Variants in CEP170 observed in about 807,000 individuals in gnomAD.
The protein encoded by CEP170 is centrosomal protein of 170 kDa.
In CEP170, 21 loss-of-function variants were observed where a neutral mutation model predicts 151.9. The observed-to-expected ratio is 0.14, with a 90% confidence interval of 0.10 to 0.20. The LOEUF is 0.20. Among genes scored for constraint, CEP170 ranks in the 10% least tolerant of loss-of-function variants. The pLI, the probability that CEP170 is intolerant of heterozygous loss-of-function variation, is 1.00. For missense variants in CEP170, 964 were observed against 1,892.9 expected, an observed-to-expected ratio of 0.51 and a Z score of 9.11; for synonymous variants, 356 against 648.8, an observed-to-expected ratio of 0.55 and a Z score of 6.86.
Position 243,156,314 on chromosome 1 carries a change from G to A in CEP170, c.3818C>T (p.Ser1273Leu), listed in dbSNP as rs550197383. Reference protein sequence around the residue: ...LKTTRLQSAGSAMPTSSSFKH... With the variant: ...LKTTRLQSAGLAMPTSSSFKH... ...GAATGAAGAACTAGTAGGCATTGCT[G>A]ATCCAGCGCTCTGCAAGCGAGTGGT... is the stretch of plus-strand genomic sequence containing the variant. The change falls in exon 14 of 20, where the codon TCA becomes TTA. Residue 1273 changes from serine to leucine, a missense_variant. Physicochemically the swap from Ser to Leu is moderately radical, Grantham distance 145 (BLOSUM62 -2). Coordinates refer to ENST00000366542, the MANE Select transcript of CEP170 (RefSeq NM_014812.3). 6 of 1,591,892 alleles carry A rather than the reference G, an allele frequency of 3.8e-6. No homozygotes were observed. In the African/African-American group the frequency reaches 6.7e-5, roughly 18 times the overall value.
At chr1:243,129,040 C>T (rs1447417722) in intron 18 of CEP170, among the ~76,000 whole-genome samples, 12 of 151,900 alleles carry the variant, frequency 7.9e-5, no homozygotes, top group South Asian at 2.1e-4. Context: ...ATTAAGTAAA[C>T]GGAAACGACT....
intron 10 of CEP170, among the ~76,000 whole-genome samples, chr1:243,178,308 C>CA (rs869094317): frequency 0.56 from 16,869 of 30,378 alleles, 6,246 homozygotes; most frequent in Non-Finnish European, 0.68. Context: ...GACTCTGCCT[C>CA]AAAAAAAAAA....
At chr1:243,129,574 C>G in intron 17 of CEP170, 121 bp from the exon 18 acceptor site, 1 of 822,574 alleles carries the variant, frequency 1.2e-6, no homozygotes, top group Non-Finnish European at 1.7e-6. Flanking sequence ...AACCAACCAC[C>G]GCATAAACTG....
chr1:243,169,834 C>T, intron 11 of CEP170, 80 bp from the exon 12 acceptor site: 2 of 1,537,188 alleles, frequency 1.3e-6, no homozygotes, highest in Non-Finnish European at 1.8e-6. Context: ...CATTTAGTCA[C>T]ATTAACTTGC....
chr1:243,180,488 G>C (rs1234697958), intron 10 of CEP170, among the ~76,000 whole-genome samples: 1 of 152,200 alleles, frequency 6.6e-6, no homozygotes, highest in Admixed American at 6.5e-5. Flanking sequence ...AAATTGCTCA[G>C]TCAAAAATAA....
chr1:243,199,312 A>T (rs1488938426), intron 6 of CEP170, 118 bp from the exon 7 acceptor site: 1 of 1,015,386 alleles, frequency 9.8e-7, no homozygotes, highest in East Asian at 2.6e-5. Flanking sequence ...TATAGTCTTG[A>T]TAGCTAAAAT....
At chr1:243,242,889 G>A (rs2064998270) in intron 1 of CEP170, among the ~76,000 whole-genome samples, 1 of 152,026 alleles carries the variant, frequency 6.6e-6, no homozygotes, top group Non-Finnish European at 1.5e-5. Context: ...TAGTAGAGAC[G>A]GGGTTTCTCC....
At chr1:243,252,529 C>A (rs2066033569) in intron 1 of CEP170, among the ~76,000 whole-genome samples, 1 of 151,852 alleles carries the variant, frequency 6.6e-6, no homozygotes, top group Admixed American at 6.6e-5. Context: ...ATACTTGGAA[C>A]AAATCAAATA....
intron 10 of CEP170, among the ~76,000 whole-genome samples, chr1:243,175,528 A>G (rs2059168906): frequency 6.6e-6 from 1 of 152,244 alleles, no homozygotes; most frequent in Admixed American, 6.5e-5. Flanking sequence ...GAAAACAAAT[A>G]TATAAAGTTT....
chr1:243,165,932 T>C lies in CEP170; in HGVS notation c.2028A>G (p.Glu676=), dbSNP rs2058408344. The change falls in exon 13 of 20, where the codon GAA becomes GAG. Residue 676 remains glutamate (E), a synonymous_variant. Coordinates refer to ENST00000366542, the MANE Select transcript of CEP170 (RefSeq NM_014812.3). Reference sequence around the variant, plus strand: ...GTGTAGGTGTTTCTTTCTCCTGAAGTTCTGTGTCTTGTTTTTCTCCTATCT... The same window carrying C: ...GTGTAGGTGTTTCTTTCTCCTGAAGCTCTGTGTCTTGTTTTTCTCCTATCT... ...RSEIGEKQDT[E]LQEKETPTQV... 6.2e-7 allele frequency: 1 copy of C among 1,613,782 alleles called. No homozygotes were observed. The highest frequency in any genetic ancestry group is 8.5e-7 in the Non-Finnish European group (1 of 1,179,718).
At chr1:243,226,143 A>G (rs1206038562) in intron 1 of CEP170, among the ~76,000 whole-genome samples, 1 of 135,576 alleles carries the variant, frequency 7.4e-6, no homozygotes, top group African/African-American at 3.0e-5. Flanking sequence ...ATGTGTATAT[A>G]TATGTACATG....
At chr1:243,221,620 A>G in intron 3 of CEP170, 104 bp downstream of exon 3, 2 of 1,174,882 alleles carry the variant, frequency 1.7e-6, no homozygotes, top group South Asian at 1.6e-5. Context: ...AATAACATAC[A>G]AAGTAAAGAA....
At chr1:243,238,697 A>G (rs1378185613) in intron 1 of CEP170, among the ~76,000 whole-genome samples, 1 of 152,194 alleles carries the variant, frequency 6.6e-6, no homozygotes, top group Non-Finnish European at 1.5e-5. Context: ...GAAAAAATCA[A>G]ATCATCTAAT....
chr1:243,125,190 T>C lies in CEP170; in HGVS notation c.*1259A>G, dbSNP rs1021975083. The C allele has an allele frequency of 9.2e-5, 14 of 152,234 alleles. No individual in the cohort carries two copies. The highest frequency in any genetic ancestry group is 1.9e-4 in the Non-Finnish European group (13 of 68,004). 9.4% of individuals were successfully genotyped at this position (152,234 alleles called of 1,614,324 possible). On this transcript the variant is annotated 3_prime_UTR_variant, in exon 20 of 20. Coordinates refer to ENST00000366542, the MANE Select transcript of CEP170 (RefSeq NM_014812.3). ...AAGATACACCCCAATTATAGTGTTCTGGAAACACAAAGGTAATTACTTTTC... is the reference window on the plus strand; with the variant it reads ...AAGATACACCCCAATTATAGTGTTCCGGAAACACAAAGGTAATTACTTTTC...
chr1:243,206,359 C>T (rs1189986163), intron 4 of CEP170, among the ~76,000 whole-genome samples: 2 of 90,710 alleles, frequency 2.2e-5, no homozygotes, highest in African/African-American at 3.9e-5. Flanking sequence ...ATCTCAAACT[C>T]CCAACTTCAT....
chr1:243,210,859 G>A (rs556405083), intron 4 of CEP170, among the ~76,000 whole-genome samples: 59 of 151,852 alleles, frequency 3.9e-4, no homozygotes, highest in Non-Finnish European at 4.1e-4. Context: ...TCCTGACCTC[G>A]TGACCTGCCC....
At chr1:243,163,810 A>C (rs2148528613) in intron 13 of CEP170, among the ~76,000 whole-genome samples, 1 of 152,386 alleles carries the variant, frequency 6.6e-6, no homozygotes, top group African/African-American at 2.4e-5. Flanking sequence ...TGATTATTTC[A>C]TTTAACTCTG....
intron 1 of CEP170, among the ~76,000 whole-genome samples, chr1:243,225,989 A>G (rs2063193722): frequency 6.8e-6 from 1 of 146,252 alleles, no homozygotes; most frequent in African/African-American, 2.6e-5. Context: ...CTATCTATAT[A>G]TATACACGTA....
At chr1:243,139,125 A>G (rs148492942) in intron 16 of CEP170, among the ~76,000 whole-genome samples, 6,518 of 149,692 alleles carry the variant, frequency 0.044, 256 homozygotes, top group African/African-American at 0.11. Flanking sequence ...TTTTGGAGAC[A>G]GAGTCTCACT....
Sources: gnomAD v4.1 joint callset for allele counts (sites outside exome capture counted in the v4.1 genomes callset) on GRCh38, gnomAD v4.1.1 for gene constraint, MANE v1.5 for transcripts, NCBI Gene and HGNC (gene_info 2026-07-23, HGNC 2026-07-21) for gene names.